ARHGEF28: variants seen among roughly 807,000 people sequenced by gnomAD.
ARHGEF28 encodes the protein Rho guanine nucleotide exchange factor 28, also known as 190 kDa guanine nucleotide exchange factor.
A neutral mutation model predicts 206.6 loss-of-function variants in ARHGEF28; 152 were observed. The ratio of observed to expected loss-of-function variants is 0.74; its 90% CI spans 0.64 to 0.84. The LOEUF (loss-of-function observed/expected upper bound fraction) is 0.84, where lower values mean the gene tolerates loss of function less well. ARHGEF28 is among the 40% of genes least tolerant of loss of function. The pLI, the probability that ARHGEF28 is intolerant of heterozygous loss-of-function variation, is 0.00. For missense variants in ARHGEF28, 2,028 were observed against 2,073.2 expected (o/e 0.98, Z 0.42); for synonymous variants, 763 against 776.4 (o/e 0.98, Z 0.29).
intron 31 of ARHGEF28, chr5:73,903,848 C>T (rs1045522958): frequency 8.5e-6 from 2 of 236,596 alleles, no homozygotes; most frequent in African/African-American, 2.3e-5. Flanking sequence ...TATAAGAGGT[C>T]AGCCTGACCC....
intron 7 of ARHGEF28, among the ~76,000 whole-genome samples, chr5:73,781,769 C>T (rs74736675): frequency 6.6e-6 from 1 of 152,044 alleles, no homozygotes; most frequent in Admixed American, 6.5e-5. Context: ...CAGTTACTCT[C>T]CATTTGCTTC....
chr5:73,797,004 AACTC>A (rs1441225290), intron 9 of ARHGEF28, among the ~76,000 whole-genome samples: 1 of 152,236 alleles, frequency 6.6e-6, no homozygotes, highest in Non-Finnish European at 1.5e-5. Flanking sequence ...AGGTTTTAAA[AACTC>A]ACTCTAGTTT....
intron 1 of ARHGEF28, among the ~76,000 whole-genome samples, chr5:73,643,180 A>G (rs547468700): frequency 6.6e-6 from 1 of 152,350 alleles, no homozygotes; most frequent in African/African-American, 2.4e-5. Flanking sequence ...TAAAGACCAA[A>G]ACAAAGCTTA....
intron 4 of ARHGEF28, among the ~76,000 whole-genome samples, chr5:73,756,300 A>G (rs1752305501): frequency 6.6e-6 from 1 of 152,252 alleles, no homozygotes; most frequent in Non-Finnish European, 1.5e-5. Flanking sequence ...TTATATGTGC[A>G]TAGGTAGAAA....
intron 7 of ARHGEF28, among the ~76,000 whole-genome samples, chr5:73,782,974 T>A (rs973379198): frequency 2.0e-5 from 3 of 152,208 alleles, no homozygotes; most frequent in Non-Finnish European, 4.4e-5. Flanking sequence ...AAAATCAACT[T>A]CTGATTTTAA....
Position 73,719,479 on chromosome 5 carries a change from T to G in ARHGEF28, c.34-30358T>G, listed in dbSNP as rs190594677. Among the ~76,000 whole-genome samples, 546 of 152,222 alleles carry G rather than the reference T, an allele frequency of 3.6e-3. 3 individuals are homozygous for G. The highest frequency in any genetic ancestry group is 0.013 in the African/African-American group (530 of 41,530). On this transcript the variant is annotated intron_variant, in intron 2 of 35. Transcript: ENST00000513042. ...ACTCTGTTCTTCATAAGGCCTGCAT[T>G]TCCAGCCCATTGTCTTGTTGTAAAA...
chr5:73,932,871 C>G (rs574626304), intron 35 of ARHGEF28, among the ~76,000 whole-genome samples: 2 of 131,730 alleles, frequency 1.5e-5, no homozygotes, highest in East Asian at 2.3e-4. Context: ...TGCAGTGGCG[C>G]GATCTCGGCT....
chr5:73,682,254 A>G (rs1427384190), intron 1 of ARHGEF28, among the ~76,000 whole-genome samples: 1 of 152,172 alleles, frequency 6.6e-6, no homozygotes, highest in Non-Finnish European at 1.5e-5. Flanking sequence ...TGTCTTAGGA[A>G]ACATGACTTG....
chr5:73,911,187 T>G, intron 34 of ARHGEF28, 88 bp from the exon 35 acceptor site: 1 of 1,278,484 alleles, frequency 7.8e-7, no homozygotes, highest in Non-Finnish European at 1.1e-6. Flanking sequence ...GAAATCTTGA[T>G]TCCTAAGATT....
intron 1 of ARHGEF28, chr5:73,627,015 G>T (rs77897168): frequency 0.05 from 7,624 of 152,254 alleles, 266 homozygotes; most frequent in East Asian, 0.17. Flanking sequence ...GCACCATTTG[G>T]GTCGAGGGCT....
At chr5:73,653,352 A>G (rs912114701) in intron 1 of ARHGEF28, among the ~76,000 whole-genome samples, 3 of 152,188 alleles carry the variant, frequency 2.0e-5, no homozygotes, top group African/African-American at 7.2e-5. Flanking sequence ...TATTTTATGG[A>G]GGTGTCTGTA....
At chr5:73,914,470 C>T (rs6874951) in intron 35 of ARHGEF28, among the ~76,000 whole-genome samples, 4,309 of 142,594 alleles carry the variant, frequency 0.03, 191 homozygotes, top group African/African-American at 0.1. Context: ...TATCTTGGCT[C>T]ACTGCAACCT....
At chr5:73,795,303 A>G (rs1754736531) in intron 8 of ARHGEF28, 28 bp from the exon 9 acceptor site, 2 of 1,607,852 alleles carry the variant, frequency 1.2e-6, no homozygotes, top group Non-Finnish European at 1.7e-6. Flanking sequence ...TAATTTTTTA[A>G]AAATCCACCT....
intron 1 of ARHGEF28, among the ~76,000 whole-genome samples, chr5:73,645,484 A>G (rs536634865): frequency 7.2e-5 from 11 of 152,202 alleles, no homozygotes; most frequent in Non-Finnish European, 1.6e-4. Context: ...GATAGTTTAG[A>G]GTAATAAGAA....
intron 6 of ARHGEF28, among the ~76,000 whole-genome samples, chr5:73,779,791 G>C (rs988808302): frequency 2.6e-5 from 4 of 152,180 alleles, no homozygotes; most frequent in South Asian, 2.1e-4. Context: ...CAGCCCATGG[G>C]GGGTGGGCAA....
At chr5:73,935,794 C>T (rs1014367437) in intron 35 of ARHGEF28, among the ~76,000 whole-genome samples, 2 of 152,060 alleles carry the variant, frequency 1.3e-5, no homozygotes, top group Non-Finnish European at 2.9e-5. Flanking sequence ...ACAAGTCAGA[C>T]ACATGATTAA....
At position 73,909,759 on chromosome 5, in the gene ARHGEF28, C is replaced by A; in HGVS notation, c.4509C>A (p.Ser1503Arg). 2 of 1,512,122 alleles carry A rather than the reference C, an allele frequency of 1.3e-6. No individual in the cohort carries two copies. The highest frequency in any genetic ancestry group is 2.5e-5 in the South Asian group (2 of 79,118). The allele number at this position is 1,512,122 out of a possible 1,614,324, so 93.7% of individuals were successfully genotyped here. ...LDLQLQEYQHSLERLREGQRL... is the reference protein window; with the variant it reads ...LDLQLQEYQHRLERLREGQRL... Reference sequence around the variant, plus strand: ...TCCAGCTCCAGGAGTACCAGCACAGCCTGGAGCGGCTGAGGGAGGGCCAGC... The same window carrying A: ...TCCAGCTCCAGGAGTACCAGCACAGACTGGAGCGGCTGAGGGAGGGCCAGC... The change falls in exon 34 of 36, where the codon AGC becomes AGA. Residue 1503 changes from serine (S) to arginine (R), a missense_variant. Around this residue, in one of 3 missense-constraint regions of ARHGEF28, gnomAD observed 803 missense variants for 768.0 expected, o/e 1.05. Transcript: ENST00000513042.
At chr5:73,926,729 T>A (rs2112000640) in intron 35 of ARHGEF28, among the ~76,000 whole-genome samples, 1 of 152,340 alleles carries the variant, frequency 6.6e-6, no homozygotes, top group South Asian at 2.1e-4. Context: ...TCTGGAAGCT[T>A]GCTCTCTTTG....
chr5:73,662,460 G>A (rs1039208254), intron 1 of ARHGEF28, among the ~76,000 whole-genome samples: 31 of 152,184 alleles, frequency 2.0e-4, no homozygotes, highest in Non-Finnish European at 4.0e-4. Flanking sequence ...ACTTGTCCAA[G>A]TGAAGATTGC....
Sources: allele counts gnomAD v4.1 joint callset (sites outside exome capture counted in the v4.1 genomes callset), GRCh38; gene constraint gnomAD v4.1.1; regional missense constraint gnomAD v4.1.1; transcripts MANE v1.5; gene names NCBI Gene and HGNC (gene_info 2026-07-23, HGNC 2026-07-21).